The following WDR45B variants were observed in gnomAD, a reference collection of about 807,000 sequenced individuals.
The protein encoded by WDR45B is WD repeat domain phosphoinositide-interacting protein 3.
A neutral mutation model predicts 44.6 loss-of-function variants in WDR45B; 20 were observed. The ratio of observed to expected loss-of-function variants is 0.45; its 90% CI spans 0.32 to 0.65. WDR45B has a LOEUF of 0.65. Among genes scored for constraint, WDR45B ranks in the 30% least tolerant of loss-of-function variants. WDR45B has a pLI of 0.05. For missense variants in WDR45B, 323 were observed against 430.2 expected, an observed-to-expected ratio of 0.75 and a Z score of 2.20; for synonymous variants, 169 against 164.9, an observed-to-expected ratio of 1.02 and a Z score of -0.19.
intron 2 of WDR45B, among the ~76,000 whole-genome samples, chr17:82,634,256 G>GAGGC: frequency 6.6e-6 from 1 of 150,942 alleles, no homozygotes. Context: ...TTGGGAGGCC[G>GAGGC]AGGCAGGCGA....
intron 2 of WDR45B, among the ~76,000 whole-genome samples, chr17:82,632,657 G>C (rs2045782679): frequency 6.6e-6 from 1 of 152,220 alleles, no homozygotes; most frequent in East Asian, 1.9e-4. Context: ...TGTCTGCAAT[G>C]ACCATGAGCT....
At chr17:82,638,366 G>A (rs143720197) in intron 2 of WDR45B, among the ~76,000 whole-genome samples, 190 of 151,268 alleles carry the variant, frequency 1.3e-3, no homozygotes, top group Middle Eastern at 3.4e-3. Context: ...AGGGGGGTAG[G>A]AGAAGGTCAG....
At chr17:82,639,182 CTACTT>C (rs755089447) in intron 2 of WDR45B, among the ~76,000 whole-genome samples, 1 of 152,078 alleles carries the variant, frequency 6.6e-6, no homozygotes, top group Non-Finnish European at 1.5e-5. Flanking sequence ...ATGCTATTCT[CTACTT>C]TCTTTTTCCT....
rs764133160 is a variant in WDR45B at position 82,630,976 on chromosome 17, G to A, written c.189C>T (p.Cys63=). Residue 63 remains cysteine, a synonymous_variant, in exon 3 of 10, where the codon TGC becomes TGT. Coordinates refer to ENST00000392325, the MANE Select transcript of WDR45B (RefSeq NM_019613.4). ...GVGHVEMLFR[C]NYLALVGGGK... ...CACCACCAACTAAAGCTAAATAGTTGCAGCGAAATAACATTTCAACATGGC... is the reference window on the plus strand; with the variant it reads ...CACCACCAACTAAAGCTAAATAGTTACAGCGAAATAACATTTCAACATGGC... The A allele has an allele frequency of 1.2e-6, 2 of 1,613,604 alleles. No individual in the cohort carries two copies. Among genetic ancestry groups the A allele is most frequent in the Admixed American group, 3.3e-5 (2 of 60,020 alleles).
At chr17:82,632,082 GATAA>G (rs112872175) in intron 2 of WDR45B, among the ~76,000 whole-genome samples, 29,979 of 151,586 alleles carry the variant, frequency 0.2, 3,268 homozygotes, top group East Asian at 0.37. Flanking sequence ...TCTATCTCAA[GATAA>G]ATAAATAAAA....
In WDR45B at chr17:82,627,239, A is replaced by G. The variant is rs757500854; in HGVS notation, c.297T>C (p.Ser99=). The G allele has an allele frequency of 5.0e-5, 80 of 1,613,874 alleles. 1 individual carries two copies. The Middle Eastern group carries it at 1.5e-3, about 31-fold the overall frequency. Residue 99 remains serine (S), a synonymous_variant, in exon 4 of 10, where the codon TCT becomes TCC. Transcript: ENST00000392325. The part of the protein sequence containing the change: ...KKKTVIEIEF[S]TEVKAVKLRR... ...GCAGCTTGACTGCCTTGACTTCTGT[A>G]GAAAATTCTATTTCAATAACAGTCT...
intron 2 of WDR45B, among the ~76,000 whole-genome samples, chr17:82,635,502 T>C (rs2045821530): frequency 6.6e-6 from 1 of 150,390 alleles, no homozygotes; most frequent in African/African-American, 2.5e-5. Flanking sequence ...CTTGGCTCAC[T>C]GCAACCTCCA....
chr17:82,621,522 T>C, intron 6 of WDR45B, 87 bp downstream of exon 6: 1 of 1,582,696 alleles, frequency 6.3e-7, no homozygotes, highest in Non-Finnish European at 8.6e-7. Context: ...GCCCACTGCC[T>C]TTTGAGTCTT....
At chr17:82,644,241 G>A (rs1048942229) in intron 1 of WDR45B, 2 of 593,076 alleles carry the variant, frequency 3.4e-6, no homozygotes, top group Non-Finnish European at 6.1e-6. Flanking sequence ...AAGGAGTCTT[G>A]GAGTTGTTCA....
intron 5 of WDR45B, among the ~76,000 whole-genome samples, chr17:82,624,175 TACAC>T (rs1171874184): frequency 1.3e-5 from 2 of 151,950 alleles, no homozygotes; most frequent in East Asian, 3.9e-4. Flanking sequence ...GTAACACACA[TACAC>T]ACACACAGAG....
intron 2 of WDR45B, among the ~76,000 whole-genome samples, chr17:82,633,378 G>C (rs1477380509): frequency 1.3e-5 from 2 of 152,126 alleles, no homozygotes; most frequent in East Asian, 3.9e-4. Context: ...TTTTAAAATT[G>C]GCAAAGGATT....
intron 2 of WDR45B, chr17:82,636,395 G>C (rs1016817241): frequency 3.3e-5 from 5 of 152,054 alleles, no homozygotes; most frequent in African/African-American, 1.2e-4. Flanking sequence ...GGCAGAGAAG[G>C]AGAGTTAAGG....
At position 82,644,596 on chromosome 17, in the gene WDR45B, A is replaced by G. The variant is rs555037457; in HGVS notation, c.68-573T>C. On this transcript the variant is annotated intron_variant, in intron 1 of 9. Transcript: ENST00000392325. ...CCTGGTCACTGCCTCCAAGTCACAC[A>G]GCAGGCTGTTAATGGTCCAAATAAA... The G allele has an allele frequency of 2.8e-5, 5 of 175,800 alleles. No homozygotes were observed. The East Asian group carries it at 6.8e-4, about 24-fold the overall frequency. The allele number at this position is 175,800 out of a possible 1,614,324, so 10.9% of individuals were successfully genotyped here.
chr17:82,643,162 C>T (rs1223452583), intron 2 of WDR45B, among the ~76,000 whole-genome samples: 3 of 152,116 alleles, frequency 2.0e-5, no homozygotes, highest in Non-Finnish European at 2.9e-5. Flanking sequence ...TGGCCGGGGA[C>T]GGTGGCTCAC....
At chr17:82,627,395 C>A (rs2045712215) in intron 3 of WDR45B, 104 bp from the exon 4 acceptor site, 1 of 941,640 alleles carries the variant, frequency 1.1e-6, no homozygotes, top group Non-Finnish European at 1.7e-6. Flanking sequence ...TTCCCACTGG[C>A]ACAGCTGCGC....
intron 3 of WDR45B, among the ~76,000 whole-genome samples, chr17:82,628,774 CG>C (rs1469479237): frequency 6.6e-6 from 1 of 151,536 alleles, no homozygotes; most frequent in Non-Finnish European, 1.5e-5. Flanking sequence ...CAGAGGCAGG[CG>C]GATCAATGGA....
intron 2 of WDR45B, among the ~76,000 whole-genome samples, chr17:82,632,731 T>C (rs184403119): frequency 2.6e-5 from 4 of 152,100 alleles, no homozygotes; most frequent in East Asian, 1.9e-4. Context: ...CTTCGAGATA[T>C]TTAAAATTCA....
intron 5 of WDR45B, among the ~76,000 whole-genome samples, chr17:82,624,289 TCTCA>T (rs1459028981): frequency 6.6e-6 from 1 of 152,264 alleles, no homozygotes; most frequent in Non-Finnish European, 1.5e-5. Context: ...TTTTCTTTAG[TCTCA>T]CTCTGTCGCC....
At chr17:82,621,533 G>T (rs560231510) in intron 6 of WDR45B, 76 bp downstream of exon 6, 3 of 1,596,962 alleles carry the variant, frequency 1.9e-6, no homozygotes, top group African/African-American at 1.3e-5. Flanking sequence ...TTTGAGTCTT[G>T]ATACAGGGAA....
Sources: gnomAD v4.1 joint callset for allele counts (sites outside exome capture counted in the v4.1 genomes callset) on GRCh38, gnomAD v4.1.1 for gene constraint, MANE v1.5 for transcripts, NCBI Gene and HGNC (gene_info 2026-07-23, HGNC 2026-07-21) for gene names.